Variants in EFCAB6 observed in about 807,000 individuals in gnomAD.
EFCAB6 encodes the protein EF-hand calcium binding domain 6, also known as EF-hand calcium-binding domain-containing protein 6.
Under a neutral mutation model 169.8 loss-of-function variants are expected in EFCAB6, and 156 were observed. The observed-to-expected ratio is 0.92, with a 90% CI of 0.81 to 1.05. EFCAB6 has a LOEUF of 1.05. Among genes scored for constraint, EFCAB6 ranks in the 50% least tolerant of loss-of-function variants. The pLI, the probability that EFCAB6 is intolerant of heterozygous loss-of-function variation, is 0.00. For missense variants in EFCAB6, 1,800 were observed against 1,829.1 expected, an observed-to-expected ratio of 0.98 and a Z score of 0.29; for synonymous variants, 698 against 676.4, an observed-to-expected ratio of 1.03 and a Z score of -0.50.
intron 25 of EFCAB6, among the ~76,000 whole-genome samples, chr22:43,578,683 C>T (rs938676970): frequency 1.3e-5 from 2 of 152,052 alleles, no homozygotes; most frequent in African/African-American, 4.8e-5. Context: ...TCATTCCCTA[C>T]GTGCAGGCAT....
intron 10 of EFCAB6, among the ~76,000 whole-genome samples, chr22:43,703,580 AATAG>A (rs1468947741): frequency 3.3e-5 from 4 of 120,106 alleles, no homozygotes; most frequent in Admixed American, 8.6e-5. Flanking sequence ...GAGCTACAAG[AATAG>A]ATAGACTAAA....
At chr22:43,588,321 T>G (rs983702045) in intron 24 of EFCAB6, among the ~76,000 whole-genome samples, 1 of 152,146 alleles carries the variant, frequency 6.6e-6, no homozygotes, top group Non-Finnish European at 1.5e-5. Flanking sequence ...AGGAGAGACT[T>G]ATCTGGTAAA....
chr22:43,592,330 T>G (rs917305633), intron 23 of EFCAB6, among the ~76,000 whole-genome samples: 1 of 152,202 alleles, frequency 6.6e-6, no homozygotes, highest in Non-Finnish European at 1.5e-5. Flanking sequence ...AGCAGCATTT[T>G]GGATTCCCCT....
At chr22:43,738,232 ACAC>A (rs2060235083) in intron 6 of EFCAB6, among the ~76,000 whole-genome samples, 1 of 151,462 alleles carries the variant, frequency 6.6e-6, no homozygotes, top group African/African-American at 2.4e-5. Context: ...TCACACATTC[ACAC>A]CATCACACAC....
chr22:43,746,814 T>C (rs558005682), intron 6 of EFCAB6, among the ~76,000 whole-genome samples: 1 of 152,318 alleles, frequency 6.6e-6, no homozygotes, highest in African/African-American at 2.4e-5. Flanking sequence ...TTTCTTTCCT[T>C]TCTTTCTTAC....
chr22:43,678,100 G>A lies in EFCAB6; in HGVS notation c.1315C>T (p.Leu439=), dbSNP rs1029929617. ...AGTTCTTTGAATTCTGAATCGCTTA[G>A]TTTTACAGCCATGCAATTTAGAATA... ...RYILNCMAVK[L]SDSEFKELMQ... is the part of the protein sequence containing the mutation. The change falls in exon 13 of 32, where the codon CTA becomes TTA. Residue 439 remains leucine, a synonymous_variant. Coordinates refer to ENST00000262726, the MANE Select transcript of EFCAB6 (RefSeq NM_022785.4). 3.1e-6 allele frequency: 5 copies of A among 1,607,940 alleles called. No individual in the cohort carries two copies. The highest frequency in any genetic ancestry group is 4.2e-6 in the Non-Finnish European group (5 of 1,177,804).
intron 26 of EFCAB6, among the ~76,000 whole-genome samples, chr22:43,555,578 G>A (rs528565116): frequency 3.7e-4 from 56 of 152,326 alleles, no homozygotes; most frequent in Middle Eastern, 3.4e-3. Flanking sequence ...TGACTGCTGT[G>A]CCATTAGACT....
At chr22:43,654,318 T>G (rs1231386481) in intron 17 of EFCAB6, among the ~76,000 whole-genome samples, 3 of 152,244 alleles carry the variant, frequency 2.0e-5, no homozygotes, top group Non-Finnish European at 4.4e-5. Flanking sequence ...ACCATGGATT[T>G]CTTCCAAAGA....
At chr22:43,593,303 G>C (rs1210278724) in intron 23 of EFCAB6, among the ~76,000 whole-genome samples, 1 of 152,196 alleles carries the variant, frequency 6.6e-6, no homozygotes, top group Non-Finnish European at 1.5e-5. Flanking sequence ...GAAATGCATT[G>C]TGTCTTGCAG....
Position 43,695,133 on chromosome 22 carries a change from T to C in EFCAB6, c.1032-7552A>G, listed in dbSNP as rs1363411935. On this transcript the variant is annotated intron_variant, in intron 10 of 31. Coordinates refer to ENST00000262726, the MANE Select transcript of EFCAB6 (RefSeq NM_022785.4). ...TCTACAACAAAAGGTCTAGAACTAA[T>C]TAACCAGTGAATTTAATAAAGTCAT... Among the ~76,000 whole-genome samples the C allele has an allele frequency of 2.0e-5, 3 of 152,128 alleles. No homozygotes were observed. In the South Asian group the frequency reaches 6.2e-4, roughly 32 times the overall value.
At chr22:43,630,909 A>C (rs986336252) in intron 19 of EFCAB6, among the ~76,000 whole-genome samples, 2 of 150,654 alleles carry the variant, frequency 1.3e-5, no homozygotes, top group Non-Finnish European at 2.9e-5. Flanking sequence ...TTTCAAACCA[A>C]AAATTAGGAT....
In EFCAB6 at chr22:43,534,676, T is replaced by A; in HGVS notation, c.4233+12A>T. 1 of 1,579,484 alleles carries A rather than the reference T, an allele frequency of 6.3e-7. No homozygotes were observed. Among genetic ancestry groups the A allele is most frequent in the Non-Finnish European group, 8.6e-7 (1 of 1,165,726 alleles). ...CACCTGGCCCCACATTTCCTGCAGG[T>A]GGGCAACATACCATCTTGTGTGCAT... On this transcript the variant is annotated intron_variant, in intron 30 of 31. Transcript: ENST00000262726.
intron 26 of EFCAB6, among the ~76,000 whole-genome samples, chr22:43,573,199 C>T (rs935974997): frequency 2.6e-5 from 4 of 152,104 alleles, no homozygotes; most frequent in Non-Finnish European, 2.9e-5. Flanking sequence ...AGCAAAAAAA[C>T]AAAATAAAAG....
At chr22:43,687,790 G>A (rs2058260380) in intron 10 of EFCAB6, among the ~76,000 whole-genome samples, 1 of 152,154 alleles carries the variant, frequency 6.6e-6, no homozygotes, top group Non-Finnish European at 1.5e-5. Flanking sequence ...AGATCTGCAT[G>A]CCTCTATATT....
chr22:43,530,593 G>A (rs1380530377), intron 31 of EFCAB6: 2 of 985,330 alleles, frequency 2.0e-6, no homozygotes, highest in African/African-American at 1.7e-5. Flanking sequence ...GGGCATCCAC[G>A]CAGGGCTCCA....
In EFCAB6 at chr22:43,608,518, G is replaced by A; in HGVS notation, c.2645C>T (p.Pro882Leu). The A allele has an allele frequency of 6.2e-7, 1 of 1,614,052 alleles. No homozygotes were observed. The highest frequency in any genetic ancestry group is 1.1e-5 in the South Asian group (1 of 91,062). Residue 882 changes from proline (P) to leucine (L), a missense_variant, in exon 22 of 32, where the codon CCC becomes CTC. Pro to Leu is a moderately conservative substitution (Grantham distance 98, BLOSUM62 -3). Transcript: ENST00000262726. ...IKNALYGFDIPLTPREFEKLW... is the reference protein window; with the variant it reads ...IKNALYGFDILLTPREFEKLW... ...CTTTTCAAACTCTCTTGGTGTGAGG[G>A]GAATATCAAAACCGTACAGTGCGTT...
At chr22:43,637,386 A>C (rs988662262) in intron 17 of EFCAB6, among the ~76,000 whole-genome samples, 2 of 152,250 alleles carry the variant, frequency 1.3e-5, no homozygotes, top group Non-Finnish European at 2.9e-5. Context: ...CGGGAAGAGG[A>C]CCAGGGAGCT....
intron 26 of EFCAB6, among the ~76,000 whole-genome samples, chr22:43,565,796 A>G (rs2049385623): frequency 6.6e-6 from 1 of 152,172 alleles, no homozygotes; most frequent in Non-Finnish European, 1.5e-5. Flanking sequence ...CAGAATAAGA[A>G]CTCAGCAGGT....
Position 43,806,185 on chromosome 22 carries a change from GGGGGAGGGGA to G in EFCAB6, c.-8+2800_-8+2809del, listed in dbSNP as rs1556429695. Among the ~76,000 whole-genome samples the G allele has an allele frequency of 4.1e-3, 554 of 135,696 alleles. 5 individuals are homozygous for G. The highest frequency in any genetic ancestry group is 6.7e-3 in the Non-Finnish European group (429 of 63,564). The allele number at this position is 135,696 out of a possible 152,430, so 89.0% of individuals were successfully genotyped here. On this transcript the variant is annotated intron_variant, in intron 2 of 31. Coordinates refer to ENST00000262726, the MANE Select transcript of EFCAB6 (RefSeq NM_022785.4). ...TCTCAAAAGAAAAGAGAGGAGAGGA[GGGGGAGGGGA>G]GGGGAGGGGAGGGGAAGGGAAAAAA...
Sources: allele counts gnomAD v4.1 joint callset (sites outside exome capture counted in the v4.1 genomes callset), GRCh38; gene constraint gnomAD v4.1.1; transcripts MANE v1.5; gene names NCBI Gene and HGNC (gene_info 2026-07-23, HGNC 2026-07-21).